The following PIP5K1B variants were observed in gnomAD, a reference collection of about 807,000 sequenced individuals.
PIP5K1B encodes the protein phosphatidylinositol-4-phosphate 5-kinase type 1 beta.
A neutral mutation model predicts 67.0 loss-of-function variants in PIP5K1B; 42 were observed. That is an observed-to-expected ratio of 0.63 (90% CI 0.49 to 0.81). The LOEUF is 0.81. Ranked by LOEUF, PIP5K1B falls within the 30% of genes least tolerant of loss-of-function variation. The probability of loss-of-function intolerance (pLI) is 0.00; values close to 1 mark genes in which losing one functional copy is unlikely to be tolerated. For missense variants in PIP5K1B, 459 were observed against 646.3 expected (o/e 0.71, Z 3.14); for synonymous variants, 214 against 231.4 (o/e 0.92, Z 0.68).
At chr9:68,889,498 G>C (rs1348755724) in intron 7 of PIP5K1B, among the ~76,000 whole-genome samples, 1 of 152,124 alleles carries the variant, frequency 6.6e-6, no homozygotes, top group African/African-American at 2.4e-5. Flanking sequence ...ACTTTGGGAG[G>C]CCGAGGCAGG....
intron 8 of PIP5K1B, among the ~76,000 whole-genome samples, chr9:68,909,714 A>G (rs888569564): frequency 6.6e-6 from 1 of 152,164 alleles, no homozygotes; most frequent in Non-Finnish European, 1.5e-5. Context: ...GTAGGATCCT[A>G]CAGGTTGAGT....
Position 68,781,309 on chromosome 9 carries a change from A to AT in PIP5K1B, c.-85-37145dup, listed in dbSNP as rs904650052. 31 of 305,468 alleles carry AT rather than the reference A, an allele frequency of 1.0e-4. 1 individual carries two copies. The East Asian group carries it at 2.0e-3, about 19-fold the overall frequency. 18.9% of individuals were successfully genotyped at this position (305,468 alleles called of 1,614,324 possible). A position where few individuals can be genotyped will look rare whatever the true frequency, so the allele number is the denominator to read the frequency against. ...GTCTAAATACATATGTTATCCCTTG[A>AT]TTTTTTTAAATAACTGAGAGCTCTA... On this transcript the variant is annotated intron_variant, in intron 2 of 15. Transcript: ENST00000265382.
intron 6 of PIP5K1B, among the ~76,000 whole-genome samples, chr9:68,879,441 G>A (rs1824062521): frequency 6.6e-6 from 1 of 152,162 alleles, no homozygotes; most frequent in Non-Finnish European, 1.5e-5. Context: ...GGTGGCACAT[G>A]CCTGTAATCC....
At chr9:68,820,988 A>G (rs949096258) in intron 3 of PIP5K1B, among the ~76,000 whole-genome samples, 1 of 152,228 alleles carries the variant, frequency 6.6e-6, no homozygotes, top group African/African-American at 2.4e-5. Context: ...AGTTAAAAGG[A>G]CACGGTAAGC....
chr9:68,837,738 T>C (rs1481301694), intron 4 of PIP5K1B, among the ~76,000 whole-genome samples: 2 of 151,882 alleles, frequency 1.3e-5, no homozygotes, highest in Non-Finnish European at 2.9e-5. Context: ...TAATAATTTG[T>C]AATGCAAGAC....
Position 68,876,890 on chromosome 9 carries a change from A to G in PIP5K1B, c.318+96A>G, listed in dbSNP as rs1417605235. 5.5e-6 allele frequency: 4 copies of G among 733,330 alleles called. No individual in the cohort carries two copies. The East Asian group carries it at 7.5e-5, about 14-fold the overall frequency. 45.4% of individuals were successfully genotyped at this position (733,330 alleles called of 1,614,324 possible). A position where few individuals can be genotyped will look rare whatever the true frequency, so the allele number is the denominator to read the frequency against. ...ACAAGTGGCTTGTGTCTCTCATTTT[A>G]TAAAGCTCTGGGGCGTAGTAAAAGT... On this transcript the variant is annotated intron_variant, in intron 6 of 15. Transcript: ENST00000265382.
intron 1 of PIP5K1B, among the ~76,000 whole-genome samples, chr9:68,738,827 T>C (rs17057144): frequency 0.042 from 6,439 of 152,234 alleles, 453 homozygotes; most frequent in African/African-American, 0.15. Flanking sequence ...ACTATCCACA[T>C]TTTCAACGCT....
At chr9:68,870,692 A>G (rs561168407) in intron 5 of PIP5K1B, among the ~76,000 whole-genome samples, 63 of 152,340 alleles carry the variant, frequency 4.1e-4, no homozygotes, top group Non-Finnish European at 8.2e-4. Context: ...CTGTAGTGCC[A>G]CTTAAGCTTT....
intron 2 of PIP5K1B, among the ~76,000 whole-genome samples, chr9:68,763,603 TAAAA>T (rs984061393): frequency 6.6e-6 from 1 of 151,028 alleles, no homozygotes; most frequent in Non-Finnish European, 1.5e-5. Context: ...TGAAGGATGT[TAAAA>T]AAAAATACAA....
At chr9:68,767,410 A>G (rs1408724777) in intron 2 of PIP5K1B, among the ~76,000 whole-genome samples, 2 of 152,120 alleles carry the variant, frequency 1.3e-5, no homozygotes, top group African/African-American at 4.8e-5. Context: ...CCTGACCAAC[A>G]TGGTGAAACC....
chr9:68,772,489 G>A (rs545857748), intron 2 of PIP5K1B, among the ~76,000 whole-genome samples: 164 of 152,180 alleles, frequency 1.1e-3, no homozygotes, highest in Non-Finnish European at 1.7e-3. Flanking sequence ...CAGCGCTACC[G>A]GGGAGGGTAG....
At chr9:68,838,847 AAC>A (rs1370838836) in intron 4 of PIP5K1B, among the ~76,000 whole-genome samples, 16 of 152,338 alleles carry the variant, frequency 1.1e-4, no homozygotes, top group Non-Finnish European at 1.9e-4. Context: ...AATTATTGTA[AAC>A]ACAGTTAGCT....
intron 1 of PIP5K1B, among the ~76,000 whole-genome samples, chr9:68,736,769 C>T (rs997037303): frequency 9.9e-5 from 15 of 152,208 alleles, no homozygotes; most frequent in African/African-American, 3.6e-4. Flanking sequence ...TTTGTTATTA[C>T]TTTGGGTGCA....
chr9:68,763,169 G>A (rs1421911566), intron 2 of PIP5K1B, among the ~76,000 whole-genome samples: 2 of 152,108 alleles, frequency 1.3e-5, no homozygotes, highest in Admixed American at 1.3e-4. Context: ...AGGAAATGGT[G>A]AGACAAGAAA....
rs142234942 is a variant in PIP5K1B at position 68,789,055 on chromosome 9, G to T, written c.-85-29406G>T. The T allele has an allele frequency of 4.7e-3, 2,282 of 482,296 alleles. 15 individuals carry two copies. Among genetic ancestry groups the T allele is most frequent in the Non-Finnish European group, 6.7e-3 (1,657 of 249,012 alleles). The allele number at this position is 482,296 out of a possible 1,614,324, so 29.9% of individuals were successfully genotyped here. ...CTTGATACAGCATCAATCATCCCCTGGGTTTCAGCAGCAATTGTAGAACCT... is the reference window on the plus strand; with the variant it reads ...CTTGATACAGCATCAATCATCCCCTTGGTTTCAGCAGCAATTGTAGAACCT... On this transcript the variant is annotated intron_variant, in intron 2 of 15. Transcript: ENST00000265382.
intron 2 of PIP5K1B, chr9:68,788,327 T>G: frequency 1.2e-6 from 1 of 867,956 alleles, no homozygotes; most frequent in South Asian, 1.4e-5. Flanking sequence ...ACTTGGAACT[T>G]TCTAGCTTTG....
intron 8 of PIP5K1B, among the ~76,000 whole-genome samples, chr9:68,911,707 A>G (rs1825861414): frequency 6.6e-6 from 1 of 152,070 alleles, no homozygotes; most frequent in Non-Finnish European, 1.5e-5. Context: ...CCTGGGCAGC[A>G]AGGCAAAACC....
chr9:68,737,489 GT>G (rs749753824), intron 1 of PIP5K1B, among the ~76,000 whole-genome samples: 31 of 152,178 alleles, frequency 2.0e-4, no homozygotes, highest in Non-Finnish European at 3.8e-4. Flanking sequence ...AATTAAAAGG[GT>G]GTTACTAAAA....
chr9:68,753,844 G>A lies in PIP5K1B; in HGVS notation c.-86+11187G>A, dbSNP rs935521489. 2.0e-5 allele frequency among the ~76,000 whole-genome samples: 3 copies of A among 151,768 alleles called. No homozygotes were observed. The South Asian group carries it at 6.2e-4, about 32-fold the overall frequency. Reference sequence around the variant, plus strand: ...CAGCCTAATTTTTGTATTTTTAGTAGAGATGGGGTTTCGCCATGTTGTCCA... The same window carrying A: ...CAGCCTAATTTTTGTATTTTTAGTAAAGATGGGGTTTCGCCATGTTGTCCA... On this transcript the variant is annotated intron_variant, in intron 2 of 15. Coordinates refer to ENST00000265382, the MANE Select transcript of PIP5K1B (RefSeq NM_003558.4).
Sources: allele counts gnomAD v4.1 joint callset (sites outside exome capture counted in the v4.1 genomes callset), GRCh38; gene constraint gnomAD v4.1.1; transcripts MANE v1.5; gene names NCBI Gene and HGNC (gene_info 2026-07-23, HGNC 2026-07-21).